The following ADCY6 variants were observed in gnomAD, a reference collection of about 807,000 sequenced individuals.
ADCY6 encodes adenylate cyclase 6, also known as adenylate cyclase type 6.
ADCY6 carries 59 observed loss-of-function variants against 111.6 expected under a neutral mutation model. The ratio of observed to expected loss-of-function variants is 0.53; its 90% confidence interval spans 0.43 to 0.66. The LOEUF (loss-of-function observed/expected upper bound fraction) is 0.66, where lower values mean the gene tolerates loss of function less well. Ranked by LOEUF, ADCY6 falls within the 30% of genes least tolerant of loss-of-function variation. The pLI, the probability that ADCY6 is intolerant of heterozygous loss-of-function variation, is 0.00. For synonymous variants in ADCY6, 576 were observed against 642.9 expected, an observed-to-expected ratio of 0.90 and a Z score of 1.57; for missense variants, 1,242 against 1,595.6, an observed-to-expected ratio of 0.78 and a Z score of 3.78.
chr12:48,786,347 C>G (rs1941979198), intron 1 of ADCY6, among the ~76,000 whole-genome samples: 1 of 152,168 alleles, frequency 6.6e-6, no homozygotes. Flanking sequence ...TCCCACAGAG[C>G]AGCACGTCCT....
intron 20 of ADCY6, 128 bp downstream of exon 20, chr12:48,770,638 G>A: frequency 1.2e-6 from 1 of 859,704 alleles, no homozygotes; most frequent in Non-Finnish European, 1.9e-6. Context: ...CTTGATATAG[G>A]AGGTCAGAGG....
chr12:48,788,163 T>C (rs562896003), intron 1 of ADCY6, among the ~76,000 whole-genome samples: 326 of 152,276 alleles, frequency 2.1e-3, no homozygotes, highest in African/African-American at 7.1e-3. Flanking sequence ...ACCCAGGGCC[T>C]GTATCTGTCG....
chr12:48,768,718 T>TGGGGGAGTGGG lies in ADCY6; in HGVS notation c.3382-13_3382-3dup. On this transcript the variant is annotated splice_polypyrimidine_tract_variant and splice_region_variant and intron_variant, in intron 21 of 21. Coordinates refer to ENST00000357869, the MANE Select transcript of ADCY6 (RefSeq NM_015270.5). ...AACCTGGTACAGGTCCGTGGTCACC[T>TGGGGGAGTGGG]GGGGGAGTGGGAGGGGAGCCCGCTT... 6.2e-7 allele frequency: 1 copy of TGGGGGAGTGGG among 1,613,626 alleles called. No homozygotes were observed. The highest frequency in any genetic ancestry group is 8.5e-7 in the Non-Finnish European group (1 of 1,179,636).
intron 1 of ADCY6, among the ~76,000 whole-genome samples, chr12:48,788,586 C>CA (rs1236326375): frequency 1.3e-5 from 2 of 152,094 alleles, no homozygotes; most frequent in Non-Finnish European, 2.9e-5. Context: ...AGCCCCGCAG[C>CA]AAAAAACTCA....
At chr12:48,783,622 G>C (rs1423456973) in intron 1 of ADCY6, 184 bp from the exon 2 acceptor site, 2 of 1,382,640 alleles carry the variant, frequency 1.4e-6, no homozygotes, top group East Asian at 5.0e-5. Context: ...ATCAACAGGT[G>C]AGAACCCAAG....
Position 48,774,760 on chromosome 12 carries a change from C to A in ADCY6, c.2097G>T (p.Gly699=), listed in dbSNP as rs774978743. The A allele has an allele frequency of 6.2e-7, 1 of 1,614,052 alleles. No individual in the cohort carries two copies. Among genetic ancestry groups the A allele is most frequent in the Non-Finnish European group, 8.5e-7 (1 of 1,179,990 alleles). Residue 699 remains glycine (G), a synonymous_variant, in exon 13 of 22, where the codon GGG becomes GGT. Transcript: ENST00000357869. ...LIFPHSTLML[G]IYASIFLLLL... ...GCAGCAGGAAGATGCTGGCATAGAT[C>A]CCAAGCATCAGGGTGGAGCTGGGGC...
intron 1 of ADCY6, 34 bp from the exon 2 acceptor site, chr12:48,783,472 C>A: frequency 6.2e-7 from 1 of 1,613,514 alleles, no homozygotes; most frequent in Non-Finnish European, 8.5e-7. Flanking sequence ...TATTAGAGAC[C>A]ATCCAGTAGG....
Position 48,777,148 on chromosome 12 carries a change from G to A in ADCY6, c.1332C>T (p.Ala444=), listed in dbSNP as rs767682275. 1 of 1,613,816 alleles carries A rather than the reference G, an allele frequency of 6.2e-7. No individual in the cohort carries two copies. Among genetic ancestry groups the A allele is most frequent in the South Asian group, 1.1e-5 (1 of 91,062 alleles). Residue 444 remains alanine (A), a synonymous_variant, in exon 6 of 22, where the codon GCC becomes GCT. Transcript: ENST00000357869. The surrounding 1 kb of genome is among the most constrained non-coding windows in gnomAD (Gnocchi z 4.9). ...CTACCCCCATCTCCACACAGCAGTG[G>A]GCATGGTCGGCCCGGGCCTCCGGCA... is the stretch of plus-strand genomic sequence containing the variant. ...SGLPEARADH[A]HCCVEMGVDM...
chr12:48,772,251 C>T lies in ADCY6; in HGVS notation c.2787+44G>A, dbSNP rs112212130. Reference sequence around the variant, plus strand: ...TACATTTCTGGCCTGGCCCAGGCTCCGCCCCTAGGTTCCTCCTCTTCCCCC... The same window carrying T: ...TACATTTCTGGCCTGGCCCAGGCTCTGCCCCTAGGTTCCTCCTCTTCCCCC... On this transcript the variant is annotated intron_variant, in intron 18 of 21. Coordinates refer to ENST00000357869, the MANE Select transcript of ADCY6 (RefSeq NM_015270.5). 7.8e-4 allele frequency: 1,233 copies of T among 1,573,060 alleles called. 6 individuals are homozygous for T. The African/African-American group carries it at 0.015, about 19-fold the overall frequency.
At chr12:48,786,244 G>A (rs937879788) in intron 1 of ADCY6, among the ~76,000 whole-genome samples, 3 of 152,196 alleles carry the variant, frequency 2.0e-5, no homozygotes, top group Non-Finnish European at 2.9e-5. Flanking sequence ...GGACCCACAC[G>A]CAGAAGGCAG....
Position 48,771,873 on chromosome 12 carries a change from C to T in ADCY6, c.2888G>A (p.Arg963Gln), listed in dbSNP as rs751732732. Residue 963 changes from arginine (R) to glutamine (Q), a missense_variant, in exon 19 of 22, where the codon CGG (arginine) becomes CAG (glutamine). Coordinates refer to ENST00000357869, the MANE Select transcript of ADCY6 (RefSeq NM_015270.5). The surrounding 1 kb of genome is among the most constrained non-coding windows in gnomAD (Gnocchi z 4.3). Reference sequence around the variant, plus strand: ...GTAGAGTTCATCATTGCGGCGCTCCCGGGCCAGGAAGTGGGCCGCCACGTC... The same window carrying T: ...GTAGAGTTCATCATTGCGGCGCTCCTGGGCCAGGAAGTGGGCCGCCACGTC... ...PKDVAAHFLARERRNDELYYQ... is the reference protein window; with the variant it reads ...PKDVAAHFLAQERRNDELYYQ... The T allele has an allele frequency of 9.3e-6, 15 of 1,614,036 alleles. No homozygotes were observed. In the Admixed American group the frequency reaches 1.2e-4, roughly 13 times the overall value.
At position 48,769,002 on chromosome 12, in the gene ADCY6, T is replaced by C; in HGVS notation, c.3316A>G (p.Ile1106Val). 1.2e-6 allele frequency: 2 copies of C among 1,613,970 alleles called. No individual in the cohort carries two copies. Among genetic ancestry groups the C allele is most frequent in the Non-Finnish European group, 1.7e-6 (2 of 1,179,964 alleles). The change falls in exon 21 of 22, where the codon ATC becomes GTC. Residue 1106 changes from isoleucine to valine, a missense_variant. Transcript: ENST00000357869. ...GAGACATTCACTGTGTTCCCCCAGA[T>C]GTCATACTGTGGCTTCCGAGCCCCG... Reference protein sequence around the residue: ...VIGARKPQYDIWGNTVNVSSR... With the variant: ...VIGARKPQYDVWGNTVNVSSR...
Position 48,771,415 on chromosome 12 carries a change from G to C in ADCY6, c.3051+295C>G, listed in dbSNP as rs994480274. The C allele has an allele frequency of 1.8e-6, 1 of 544,228 alleles. No homozygotes were observed. The highest frequency in any genetic ancestry group is 3.3e-6 in the Non-Finnish European group (1 of 299,838). The allele number at this position is 544,228 out of a possible 1,614,324, so 33.7% of individuals were successfully genotyped here. ...TTGGTCTCATGAGGTTCTGTCCACA[G>C]ACTATTGCCTTCTTCTTCAGTGACA... On this transcript the variant is annotated intron_variant, in intron 19 of 21. Coordinates refer to ENST00000357869, the MANE Select transcript of ADCY6 (RefSeq NM_015270.5). This position sits in a 1 kb window ranked among gnomAD's most constrained non-coding sequence, Gnocchi z 4.3.
At position 48,771,648 on chromosome 12, in the gene ADCY6, T is replaced by C. The variant is rs1941546732; in HGVS notation, c.3051+62A>G. 1 of 1,606,620 alleles carries C rather than the reference T, an allele frequency of 6.2e-7. No homozygotes were observed. Among genetic ancestry groups the C allele is most frequent in the Admixed American group, 1.7e-5 (1 of 59,968 alleles). On this transcript the variant is annotated intron_variant, in intron 19 of 21. Coordinates refer to ENST00000357869, the MANE Select transcript of ADCY6 (RefSeq NM_015270.5). This position sits in a 1 kb window ranked among gnomAD's most constrained non-coding sequence, Gnocchi z 4.3. ...TCTCTTCCCAGTTCCACTCACCCAT[T>C]CCAATCCCTGGTCTCCAAGTACCCC...
chr12:48,774,288 T>A, intron 14 of ADCY6, 114 bp downstream of exon 14: 1 of 1,174,372 alleles, frequency 8.5e-7, no homozygotes, highest in Non-Finnish European at 1.2e-6. Flanking sequence ...TCCCCTATTC[T>A]GGGAGGGGGC....
intron 9 of ADCY6, 98 bp downstream of exon 9, chr12:48,775,865 C>T (rs1203566123): frequency 6.5e-7 from 1 of 1,530,564 alleles, no homozygotes; most frequent in Non-Finnish European, 8.8e-7. Flanking sequence ...AGAAAGCATA[C>T]ATGGAAATGG....
chr12:48,781,356 A>G (rs1760955974), intron 2 of ADCY6, among the ~76,000 whole-genome samples: 1 of 152,194 alleles, frequency 6.6e-6, no homozygotes, highest in African/African-American at 2.4e-5. Flanking sequence ...ACAGGCCACA[A>G]GCCTTCAAAA....
Position 48,776,532 on chromosome 12 carries a change from G to A in ADCY6, c.1431C>T (p.Ser477=), listed in dbSNP as rs778527060. 2.1e-5 allele frequency: 34 copies of A among 1,613,582 alleles called. No homozygotes were observed. The highest frequency in any genetic ancestry group is 6.7e-5 in the Admixed American group (4 of 59,996). Residue 477 remains serine (S), a synonymous_variant, in exon 7 of 22, where the codon AGC becomes AGT. Transcript: ENST00000357869. This position sits in a 1 kb window ranked among gnomAD's most constrained non-coding sequence, Gnocchi z 6.1. ...CAAGGACGCCGCAGTGCACGCGCCCGCTGTGGATGCCCACGCGCATGTTCA... is the reference window on the plus strand; with the variant it reads ...CAAGGACGCCGCAGTGCACGCGCCCACTGTGGATGCCCACGCGCATGTTCA... ...VNVNMRVGIH[S]GRVHCGVLGL... is the part of the protein sequence containing the mutation.
At chr12:48,770,640 G>T in intron 20 of ADCY6, 126 bp downstream of exon 20, 1 of 898,814 alleles carries the variant, frequency 1.1e-6, no homozygotes, top group Admixed American at 2.0e-5. Flanking sequence ...TGATATAGGA[G>T]GTCAGAGGGA....
Sources: gnomAD v4.1 joint callset for allele counts (sites outside exome capture counted in the v4.1 genomes callset) on GRCh38, gnomAD v4.1.1 for gene constraint, Gnocchi (gnomAD v3.1) non-coding constraint, MANE v1.5 for transcripts, NCBI Gene and HGNC (gene_info 2026-07-23, HGNC 2026-07-21) for gene names.